ERICH3: variants seen among roughly 807,000 people sequenced by gnomAD.
ERICH3 encodes glutamate-rich protein 3.
In ERICH3, 126 loss-of-function variants were observed where a neutral mutation model predicts 131.1. The observed-to-expected ratio is 0.96, with a 90% confidence interval of 0.83 to 1.11. The LOEUF is 1.11. Among genes scored for constraint, ERICH3 ranks in the 50% most tolerant of loss-of-function variants. The pLI, the probability that ERICH3 is intolerant of heterozygous loss-of-function variation, is 0.00. For synonymous variants in ERICH3, 695 were observed against 644.6 expected (o/e 1.08, Z -1.18); for missense variants, 2,050 against 1,810.7 (o/e 1.13, Z -2.40).
intron 1 of ERICH3, among the ~76,000 whole-genome samples, chr1:74,666,569 C>T (rs1404806338): frequency 6.6e-6 from 1 of 152,104 alleles, no homozygotes; most frequent in Non-Finnish European, 1.5e-5. Context: ...GAGTATATTT[C>T]CTGATATGAC....
At chr1:74,654,123 T>C (rs1646561678) in intron 1 of ERICH3, among the ~76,000 whole-genome samples, 1 of 152,164 alleles carries the variant, frequency 6.6e-6, no homozygotes, top group African/African-American at 2.4e-5. Context: ...ATTCTGTTTA[T>C]TATTGTTTAT....
At position 74,571,090 on chromosome 1, in the gene ERICH3, T is replaced by A; in HGVS notation, c.*18+9A>T. The A allele has an allele frequency of 4.4e-6, 7 of 1,598,686 alleles. No homozygotes were observed. The highest frequency in any genetic ancestry group is 6.0e-6 in the Non-Finnish European group (7 of 1,173,088). On this transcript the variant is annotated intron_variant, in intron 14 of 14. Coordinates refer to ENST00000326665, the MANE Select transcript of ERICH3 (RefSeq NM_001002912.5). ...TTTAGTCCTACAAAGACATTACGCTTAAACTCACTGTCTGCCAGCAAGTCT... is the reference window on the plus strand; with the variant it reads ...TTTAGTCCTACAAAGACATTACGCTAAAACTCACTGTCTGCCAGCAAGTCT...
chr1:74,570,697 C>T (rs988523431), intron 14 of ERICH3, among the ~76,000 whole-genome samples: 1 of 152,278 alleles, frequency 6.6e-6, no homozygotes, highest in Non-Finnish European at 1.5e-5. Flanking sequence ...AACAAACAAC[C>T]TTCATCTCAT....
At chr1:74,642,898 C>A in intron 4 of ERICH3, 129 bp downstream of exon 4, 2 of 636,468 alleles carry the variant, frequency 3.1e-6, no homozygotes, top group Non-Finnish European at 5.3e-6. Context: ...CTTGGTGAAC[C>A]ATCATTGACT....
At chr1:74,643,956 A>G (rs1646458681) in intron 3 of ERICH3, among the ~76,000 whole-genome samples, 1 of 152,116 alleles carries the variant, frequency 6.6e-6, no homozygotes, top group Non-Finnish European at 1.5e-5. Flanking sequence ...CTCTGAAAGG[A>G]GGAATTGTAT....
chr1:74,614,265 T>C (rs1354313591), intron 8 of ERICH3, among the ~76,000 whole-genome samples: 6 of 151,512 alleles, frequency 4.0e-5, no homozygotes, highest in African/African-American at 1.5e-4. Flanking sequence ...TCCAAATCCC[T>C]GGACAATGGC....
Position 74,589,618 on chromosome 1 carries a change from C to T in ERICH3, c.2176+13G>A, listed in dbSNP as rs1054543. 43 of 1,610,774 alleles carry T rather than the reference C, an allele frequency of 2.7e-5. No individual in the cohort carries two copies. The highest frequency in any genetic ancestry group is 2.4e-4 in the South Asian group (22 of 90,788). ...TGAGGATGATGGCAGCTCAACTCAACGGCCATACTTACCACCTTCCTCCAA... is the reference window on the plus strand; with the variant it reads ...TGAGGATGATGGCAGCTCAACTCAATGGCCATACTTACCACCTTCCTCCAA... On this transcript the variant is annotated intron_variant, in intron 12 of 14. Transcript: ENST00000326665.
At chr1:74,595,395 T>C (rs879290164) in intron 11 of ERICH3, among the ~76,000 whole-genome samples, 1 of 152,076 alleles carries the variant, frequency 6.6e-6, no homozygotes, top group Admixed American at 6.6e-5. Context: ...CACATACTGA[T>C]AGTTATTATT....
chr1:74,654,154 G>A (rs1646562033), intron 1 of ERICH3, among the ~76,000 whole-genome samples: 1 of 152,042 alleles, frequency 6.6e-6, no homozygotes, highest in Non-Finnish European at 1.5e-5. Context: ...AGAAGATGGA[G>A]GTTTTCTCTC....
At chr1:74,663,895 C>T (rs538625419) in intron 1 of ERICH3, among the ~76,000 whole-genome samples, 88 of 152,150 alleles carry the variant, frequency 5.8e-4, no homozygotes, top group African/African-American at 2.0e-3. Flanking sequence ...TTCCTAAGGT[C>T]ACTAAAGTCA....
chr1:74,668,941 G>A (rs1439335432), intron 1 of ERICH3, among the ~76,000 whole-genome samples: 1 of 152,144 alleles, frequency 6.6e-6, no homozygotes, highest in African/African-American at 2.4e-5. Flanking sequence ...GAATGTTACT[G>A]TAGCTATCCA....
intron 6 of ERICH3, among the ~76,000 whole-genome samples, chr1:74,632,272 T>C (rs1428735028): frequency 6.6e-6 from 1 of 152,064 alleles, no homozygotes; most frequent in Middle Eastern, 3.2e-3. Flanking sequence ...TTTAGTCCAG[T>C]TAGCAATAGG....
Position 74,641,443 on chromosome 1 carries a change from C to T in ERICH3, c.332G>A (p.Arg111Lys), listed in dbSNP as rs201835185. 8.1e-6 allele frequency: 13 copies of T among 1,611,142 alleles called. No homozygotes were observed. The highest frequency in any genetic ancestry group is 1.1e-5 in the Non-Finnish European group (13 of 1,178,952). The change falls in exon 5 of 15, where the codon AGG (arginine) becomes AAG (lysine). Residue 111 changes from arginine (R) to lysine (K), a missense_variant. Physicochemically the swap from Arg to Lys is conservative, Grantham distance 26. Transcript: ENST00000326665. Reference protein sequence around the residue: ...IQRFKGEHTRRSVENNMPILS... With the variant: ...IQRFKGEHTRKSVENNMPILS... ...GATTGGCATGTTATTTTCAACAGAC[C>T]TTCTTGTGTGCTCTCCCTAGAATAA... is the stretch of plus-strand genomic sequence containing the variant.
At chr1:74,647,626 A>T (rs920072749) in intron 2 of ERICH3, among the ~76,000 whole-genome samples, 3 of 152,022 alleles carry the variant, frequency 2.0e-5, no homozygotes, top group Non-Finnish European at 4.4e-5. Context: ...ATTGTTTTCT[A>T]TCCCCTGTAA....
At chr1:74,672,466 C>T (rs1016715447) in intron 1 of ERICH3, among the ~76,000 whole-genome samples, 8 of 152,158 alleles carry the variant, frequency 5.3e-5, no homozygotes, top group Admixed American at 3.3e-4. Context: ...TTCATTTACG[C>T]CATTACACTC....
At chr1:74,621,379 C>T (rs1377141238) in intron 7 of ERICH3, 2 of 152,542 alleles carry the variant, frequency 1.3e-5, no homozygotes, top group Admixed American at 1.3e-4. Context: ...TTGTAATTGG[C>T]TGCTTTATCT....
At chr1:74,638,122 G>A (rs1428078425) in intron 5 of ERICH3, among the ~76,000 whole-genome samples, 2 of 152,098 alleles carry the variant, frequency 1.3e-5, no homozygotes, top group African/African-American at 2.4e-5. Context: ...ATTCAGCTCT[G>A]GAAAAGTGTG....
At chr1:74,586,139 A>G (rs969368009) in intron 12 of ERICH3, among the ~76,000 whole-genome samples, 4 of 152,106 alleles carry the variant, frequency 2.6e-5, no homozygotes, top group Non-Finnish European at 4.4e-5. Flanking sequence ...AGAAGGCAAC[A>G]TATTTTAAAG....
chr1:74,575,995 A>G (rs755964636), intron 13 of ERICH3, among the ~76,000 whole-genome samples: 22 of 152,226 alleles, frequency 1.4e-4, no homozygotes, highest in Non-Finnish European at 2.6e-4. Flanking sequence ...ATATTCACAA[A>G]CAATGGCAAT....
Sources: allele counts gnomAD v4.1 joint callset (sites outside exome capture counted in the v4.1 genomes callset), GRCh38; gene constraint gnomAD v4.1.1; transcripts MANE v1.5; gene names NCBI Gene and HGNC (gene_info 2026-07-23, HGNC 2026-07-21).